Variants in ADAMTSL1 observed in about 807,000 individuals in gnomAD.
ADAMTSL1 encodes ADAMTS-like protein 1.
Under a neutral mutation model 201.8 loss-of-function variants are expected in ADAMTSL1, and 126 were observed. The ratio of observed to expected loss-of-function variants is 0.62; its 90% CI spans 0.54 to 0.72. The LOEUF (loss-of-function observed/expected upper bound fraction) is 0.72, where lower values mean the gene tolerates loss of function less well. Among genes scored for constraint, ADAMTSL1 ranks in the 30% least tolerant of loss-of-function variants. ADAMTSL1 has a pLI of 0.00. For missense variants in ADAMTSL1, 2,679 were observed against 2,277.8 expected (o/e 1.18, Z -3.59); for synonymous variants, 1,121 against 903.4 (o/e 1.24, Z -4.32).
rs1022860047 is a variant in ADAMTSL1 at position 18,166,950 on chromosome 9, A to G, written c.207+2969A>G. On this transcript the variant is annotated intron_variant, in intron 2 of 29. Coordinates refer to the ADAMTSL1 transcript ENST00000680146. ...TGAATTAACTTTTGCATTGCGTTAGAAAAACTTTCTAGCTAGCTTCCTCTC... is the reference window on the plus strand; with the variant it reads ...TGAATTAACTTTTGCATTGCGTTAGGAAAACTTTCTAGCTAGCTTCCTCTC... Among the ~76,000 whole-genome samples the G allele has an allele frequency of 2.6e-5, 4 of 151,926 alleles. 1 individual carries two copies. The highest frequency in any genetic ancestry group is 5.9e-5 in the Non-Finnish European group (4 of 67,914).
At chr9:18,876,207 T>C (rs1300221146) in intron 23 of ADAMTSL1, among the ~76,000 whole-genome samples, 2 of 152,080 alleles carry the variant, frequency 1.3e-5, no homozygotes, top group African/African-American at 4.8e-5. Context: ...CCATTCTCCA[T>C]CTTTTAAGTG....
At chr9:18,717,677 A>G (rs748732340) in intron 14 of ADAMTSL1, among the ~76,000 whole-genome samples, 1 of 152,216 alleles carries the variant, frequency 6.6e-6, no homozygotes, top group Non-Finnish European at 1.5e-5. Flanking sequence ...CCATTTTCAT[A>G]CATGTACAAC....
intron 1 of ADAMTSL1, among the ~76,000 whole-genome samples, chr9:17,924,673 CCCTT>C (rs1826450049): frequency 6.7e-6 from 1 of 148,880 alleles, no homozygotes; most frequent in Admixed American, 6.8e-5. Flanking sequence ...GAAACTGGAT[CCCTT>C]CCTTACACCT....
intron 4 of ADAMTSL1, among the ~76,000 whole-genome samples, chr9:18,581,765 A>T (rs1033531322): frequency 2.6e-5 from 4 of 152,188 alleles, no homozygotes; most frequent in Admixed American, 6.5e-5. Flanking sequence ...AGCATGTCTG[A>T]TACCGAGCAG....
intron 15 of ADAMTSL1, among the ~76,000 whole-genome samples, chr9:18,731,828 T>G: frequency 6.6e-6 from 1 of 152,064 alleles, no homozygotes; most frequent in East Asian, 1.9e-4. Flanking sequence ...AATGACCAGA[T>G]ATCACAAGAA....
At chr9:18,640,337 A>T (rs1189706263) in intron 7 of ADAMTSL1, among the ~76,000 whole-genome samples, 2 of 152,142 alleles carry the variant, frequency 1.3e-5, no homozygotes, top group Non-Finnish European at 2.9e-5. Flanking sequence ...GTAGGTAGTT[A>T]AATGATTTCT....
chr9:18,084,894 A>G (rs146718897), intron 1 of ADAMTSL1, among the ~76,000 whole-genome samples: 14 of 152,322 alleles, frequency 9.2e-5, no homozygotes, highest in African/African-American at 2.9e-4. Context: ...CATTAGGGAT[A>G]AAAATAAAGC....
At chr9:18,616,177 C>T (rs1281707099) in intron 4 of ADAMTSL1, among the ~76,000 whole-genome samples, 1 of 152,150 alleles carries the variant, frequency 6.6e-6, no homozygotes, top group African/African-American at 2.4e-5. Flanking sequence ...AGGTGTTTGC[C>T]ACCACACTGG....
At chr9:18,899,303 C>G (rs1829858213) in intron 26 of ADAMTSL1, among the ~76,000 whole-genome samples, 1 of 152,088 alleles carries the variant, frequency 6.6e-6, no homozygotes, top group Non-Finnish European at 1.5e-5. Flanking sequence ...AGAGAGGACA[C>G]AAACAAATGG....
At chr9:17,941,428 T>A (rs986787002) in intron 1 of ADAMTSL1, among the ~76,000 whole-genome samples, 4 of 152,278 alleles carry the variant, frequency 2.6e-5, no homozygotes, top group African/African-American at 9.6e-5. Flanking sequence ...ACGTGTAGTT[T>A]ATTTCTTAAT....
intron 28 of ADAMTSL1, 171 bp downstream of exon 28, chr9:18,907,083 G>GGT (rs1378492404): frequency 1.5e-6 from 1 of 685,574 alleles, no homozygotes; most frequent in Non-Finnish European, 2.4e-6. Flanking sequence ...TATGCAGAGA[G>GGT]GTGTATATAA....
intron 1 of ADAMTSL1, among the ~76,000 whole-genome samples, chr9:18,074,306 G>T (rs1823097403): frequency 6.6e-6 from 1 of 152,138 alleles, no homozygotes; most frequent in African/African-American, 2.4e-5. Flanking sequence ...CCAGATGTCT[G>T]TATGCTGCCA....
At chr9:18,560,931 G>A (rs537583344) in intron 3 of ADAMTSL1, among the ~76,000 whole-genome samples, 11 of 103,698 alleles carry the variant, frequency 1.1e-4, no homozygotes, top group South Asian at 5.8e-4. Context: ...GCTCTATTTC[G>A]TTAATCTTTA....
intron 1 of ADAMTSL1, among the ~76,000 whole-genome samples, chr9:17,908,663 G>T (rs1315870978): frequency 6.6e-6 from 1 of 152,112 alleles, no homozygotes; most frequent in African/African-American, 2.4e-5. Context: ...TCACCTTGCT[G>T]GCCAGGCTAG....
chr9:18,791,502 C>A (rs1357211405), intron 19 of ADAMTSL1, among the ~76,000 whole-genome samples: 2 of 151,986 alleles, frequency 1.3e-5, no homozygotes, highest in African/African-American at 4.8e-5. Context: ...TTATGGTGGT[C>A]CCAAAGGGAT....
At chr9:18,846,577 T>TA (rs1826129956) in intron 23 of ADAMTSL1, among the ~76,000 whole-genome samples, 1 of 152,158 alleles carries the variant, frequency 6.6e-6, no homozygotes, top group African/African-American at 2.4e-5. Context: ...TGGGAAGTCT[T>TA]AAACAGCTTA....
intron 4 of ADAMTSL1, among the ~76,000 whole-genome samples, chr9:18,578,398 A>G (rs1199059611): frequency 2.0e-5 from 3 of 152,234 alleles, no homozygotes; most frequent in Non-Finnish European, 4.4e-5. Flanking sequence ...ACTGAGAAAC[A>G]CTGGGATTCT....
At chr9:18,034,657 C>G (rs561418834) in intron 1 of ADAMTSL1, among the ~76,000 whole-genome samples, 9 of 152,214 alleles carry the variant, frequency 5.9e-5, no homozygotes, top group Non-Finnish European at 8.8e-5. Flanking sequence ...TCATTAAGTC[C>G]TAATAGTTTT....
At chr9:18,684,510 CT>C (rs1830705751) in intron 12 of ADAMTSL1, among the ~76,000 whole-genome samples, 1 of 152,210 alleles carries the variant, frequency 6.6e-6, no homozygotes, top group Non-Finnish European at 1.5e-5. Flanking sequence ...AAAGAGAAAG[CT>C]TGCACACAAA....
Sources: gnomAD v4.1 joint callset for allele counts (sites outside exome capture counted in the v4.1 genomes callset) on GRCh38, gnomAD v4.1.1 for gene constraint, MANE v1.5 for transcripts, NCBI Gene and HGNC (gene_info 2026-07-23, HGNC 2026-07-21) for gene names.